Variants in EBF2 observed in about 807,000 individuals in gnomAD.
EBF2 encodes EBF transcription factor 2.
EBF2 carries 21 observed loss-of-function variants against 72.8 expected under a neutral mutation model. That is an observed-to-expected ratio of 0.29 (90% confidence interval 0.20 to 0.42). The LOEUF (loss-of-function observed/expected upper bound fraction) is 0.42, where lower values mean the gene tolerates loss of function less well. Ranked by LOEUF, EBF2 falls within the 10% of genes least tolerant of loss-of-function variation. EBF2 has a pLI of 1.00. For missense variants in EBF2, 637 were observed against 731.2 expected (o/e 0.87, Z 1.49); for synonymous variants, 299 against 274.2 (o/e 1.09, Z -0.89).
chr8:25,926,347 C>T (rs982839686), intron 6 of EBF2, among the ~76,000 whole-genome samples: 1 of 152,078 alleles, frequency 6.6e-6, no homozygotes, highest in Non-Finnish European at 1.5e-5. Context: ...TTGTGTCGGG[C>T]CTGGGATGTG....
intron 5 of EBF2, among the ~76,000 whole-genome samples, chr8:26,037,299 CA>C (rs1673232952): frequency 6.6e-6 from 1 of 152,160 alleles, no homozygotes; most frequent in African/African-American, 2.4e-5. Context: ...CAGCCTTGGA[CA>C]GAGAGTGTCC....
chr8:25,858,366 C>A lies in EBF2; in HGVS notation c.1481G>T (p.Gly494Val). The change falls in exon 14 of 16, where the codon GGT becomes GTT. Residue 494 changes from glycine (G) to valine (V), a missense_variant. Gly to Val is a moderately radical substitution (Grantham distance 109, BLOSUM62 -3). This residue lies in a region of EBF2 where 259 missense variants were observed against 268.1 expected (regional missense o/e 0.97). Transcript: ENST00000520164. ...TGAGCCATTTAGAAATCCTGGTGAACCTGGAACACCCAAGTTGGCCATGGG... is the reference window on the plus strand; with the variant it reads ...TGAGCCATTTAGAAATCCTGGTGAAACTGGAACACCCAAGTTGGCCATGGG... Reference protein sequence around the residue: ...NVPMANLGVPGSPGFLNGSPT... With the variant: ...NVPMANLGVPVSPGFLNGSPT... 1 of 1,614,162 alleles carries A rather than the reference C, an allele frequency of 6.2e-7. No individual in the cohort carries two copies. Among genetic ancestry groups the A allele is most frequent in the South Asian group, 1.1e-5 (1 of 91,080 alleles).
At chr8:25,901,189 G>A (rs574996969) in intron 7 of EBF2, among the ~76,000 whole-genome samples, 6 of 152,164 alleles carry the variant, frequency 3.9e-5, no homozygotes, top group Non-Finnish European at 7.4e-5. Context: ...AGGTTGAGAC[G>A]GGTGGGTGAA....
chr8:25,978,410 G>C (rs7012877), intron 6 of EBF2, among the ~76,000 whole-genome samples: 89,262 of 152,058 alleles, frequency 0.59, 28,342 homozygotes, highest in Middle Eastern at 0.72. Context: ...CAAGATGGCT[G>C]TTAGCTGCGG....
intron 6 of EBF2, among the ~76,000 whole-genome samples, chr8:25,920,043 C>T (rs1483773054): frequency 1.3e-5 from 2 of 151,442 alleles, no homozygotes; most frequent in Admixed American, 6.6e-5. Context: ...TTTTAAGCCT[C>T]AAGGAAAAAG....
At chr8:25,890,938 T>C (rs1802767197) in intron 7 of EBF2, among the ~76,000 whole-genome samples, 1 of 152,218 alleles carries the variant, frequency 6.6e-6, no homozygotes, top group African/African-American at 2.4e-5. Flanking sequence ...CAAACTGGGA[T>C]GAGTTTGCGT....
chr8:25,958,623 C>T (rs1367210866), intron 6 of EBF2, among the ~76,000 whole-genome samples: 1 of 152,208 alleles, frequency 6.6e-6, no homozygotes. Flanking sequence ...CCAGCATGGA[C>T]CAACTCCAGC....
intron 10 of EBF2, among the ~76,000 whole-genome samples, chr8:25,875,928 T>C (rs1802512317): frequency 6.6e-6 from 1 of 152,218 alleles, no homozygotes; most frequent in Non-Finnish European, 1.5e-5. Flanking sequence ...CCCAAAGGAA[T>C]ATAAATCATT....
At chr8:25,989,881 T>A (rs1444730483) in intron 6 of EBF2, among the ~76,000 whole-genome samples, 1 of 152,166 alleles carries the variant, frequency 6.6e-6, no homozygotes, top group East Asian at 1.9e-4. Context: ...AGCCTTACAC[T>A]GAGAGCTAAT....
intron 6 of EBF2, among the ~76,000 whole-genome samples, chr8:25,976,355 C>T (rs1585213480): frequency 1.3e-5 from 2 of 152,170 alleles, no homozygotes; most frequent in South Asian, 2.1e-4. Flanking sequence ...CACTGCTCGA[C>T]TATTAAGCTT....
intron 2 of EBF2, 119 bp downstream of exon 2, chr8:26,041,976 G>T: frequency 1.4e-6 from 2 of 1,437,626 alleles, no homozygotes; most frequent in East Asian, 4.6e-5. Context: ...GAGTAGCCTC[G>T]ATTTATCATC....
At chr8:25,895,533 A>C (rs187617787) in intron 7 of EBF2, among the ~76,000 whole-genome samples, 3 of 152,378 alleles carry the variant, frequency 2.0e-5, no homozygotes, top group East Asian at 3.9e-4. Context: ...AAAATACAAG[A>C]AAGTTTTAAG....
At chr8:25,862,607 A>C in intron 11 of EBF2, 102 bp downstream of exon 11, 230 of 676,384 alleles carry the variant, frequency 3.4e-4, no homozygotes, top group Non-Finnish European at 4.8e-4. Flanking sequence ...GCCAAATTTC[A>C]AGGCCTAATT....
chr8:25,993,016 C>T (rs1029493670), intron 6 of EBF2, among the ~76,000 whole-genome samples: 1 of 152,268 alleles, frequency 6.6e-6, no homozygotes, highest in Non-Finnish European at 1.5e-5. Flanking sequence ...GATCCACCAC[C>T]TTTCCCTGCC....
intron 6 of EBF2, among the ~76,000 whole-genome samples, chr8:25,924,986 T>G (rs1803363161): frequency 6.6e-6 from 1 of 152,152 alleles, no homozygotes; most frequent in Non-Finnish European, 1.5e-5. Context: ...TTCCCAGACC[T>G]GTTTTTGGGG....
intron 10 of EBF2, among the ~76,000 whole-genome samples, chr8:25,868,082 C>T (rs1006321721): frequency 1.3e-5 from 2 of 152,180 alleles, no homozygotes; most frequent in Non-Finnish European, 2.9e-5. Context: ...AAGTACTTAT[C>T]TTTGCCACAA....
chr8:25,928,038 C>G (rs540211715), intron 6 of EBF2, among the ~76,000 whole-genome samples: 1 of 152,150 alleles, frequency 6.6e-6, no homozygotes, highest in Admixed American at 6.5e-5. Flanking sequence ...CTTGTCTCCT[C>G]TCCTATCCTC....
At chr8:25,850,562 T>C (rs1203001352) in intron 15 of EBF2, 32 bp downstream of exon 15, 3 of 1,511,072 alleles carry the variant, frequency 2.0e-6, no homozygotes, top group Non-Finnish European at 2.6e-6. Context: ...CTATGGTACA[T>C]TGTGTATCCC....
chr8:25,858,240 A>C, intron 14 of EBF2, 79 bp downstream of exon 14: 1 of 1,547,444 alleles, frequency 6.5e-7, no homozygotes. Context: ...TTACAAATGC[A>C]ACTTTCTCCC....
Sources: allele counts gnomAD v4.1 joint callset (sites outside exome capture counted in the v4.1 genomes callset), GRCh38; gene constraint gnomAD v4.1.1; regional missense constraint gnomAD v4.1.1; transcripts MANE v1.5; gene names NCBI Gene and HGNC (gene_info 2026-07-23, HGNC 2026-07-21).